The following GLDC variants were observed in gnomAD, a reference collection of about 807,000 sequenced individuals.
GLDC encodes the protein glycine decarboxylase.
In GLDC, 104 loss-of-function variants were observed where a neutral mutation model predicts 121.3. That is an observed-to-expected ratio of 0.86 (90% CI 0.73 to 1.01). GLDC has a LOEUF of 1.01. Among genes scored for constraint, GLDC ranks in the 50% least tolerant of loss-of-function variants. The pLI, the probability that GLDC is intolerant of heterozygous loss-of-function variation, is 0.00. For synonymous variants in GLDC, 546 were observed against 480.6 expected (o/e 1.14, Z -1.78); for missense variants, 1,429 against 1,306.6 (o/e 1.09, Z -1.44).
intron 1 of GLDC, 71 bp downstream of exon 1, chr9:6,645,174 C>A: frequency 4.2e-6 from 6 of 1,433,038 alleles, no homozygotes; most frequent in Non-Finnish European, 5.6e-6. Flanking sequence ...GGGTAGGAGC[C>A]GGGAGGCCGC....
In GLDC at chr9:6,550,874, G is replaced by A. The variant is rs1275684568; in HGVS notation, c.2498C>T (p.Ala833Val). 5 of 1,613,196 alleles carry A rather than the reference G, an allele frequency of 3.1e-6. No homozygotes were observed. Among genetic ancestry groups the A allele is most frequent in the Middle Eastern group, 1.6e-4 (1 of 6,082 alleles). ...GGCCATGTAGTTGGCATTTAATATC[G>A]CAGTTTCCGTGGCTTGTTTAAGACC... ...GKGLKQATET[A>V]ILNANYMAKR... The change falls in exon 21 of 25, where the codon GCG becomes GTG. Residue 833 changes from alanine to valine, a missense_variant. By Grantham distance (64) the Ala-to-Val change is moderately conservative (BLOSUM62 0). Coordinates refer to ENST00000321612, the MANE Select transcript of GLDC (RefSeq NM_000170.3).
chr9:6,629,075 G>T (rs1302422068), intron 2 of GLDC, among the ~76,000 whole-genome samples: 1 of 151,662 alleles, frequency 6.6e-6, no homozygotes, highest in Non-Finnish European at 1.5e-5. Flanking sequence ...TAGAATGAAT[G>T]CTTCCTCTTT....
chr9:6,584,525 A>C (rs1818229411), intron 15 of GLDC, among the ~76,000 whole-genome samples: 1 of 152,104 alleles, frequency 6.6e-6, no homozygotes. Flanking sequence ...CAAATAAGCC[A>C]AAATAGGATT....
Position 6,631,116 on chromosome 9 carries a change from A to T in GLDC, c.335-10797T>A, listed in dbSNP as rs73639337. Among the ~76,000 whole-genome samples, 201 of 152,344 alleles carry T rather than the reference A, an allele frequency of 1.3e-3. 1 individual carries two copies. The highest frequency in any genetic ancestry group is 4.5e-3 in the African/African-American group (187 of 41,586). ...GTAAGGATATGGTCAGGGCAGCGGC[A>T]CGCAGGCCCAACCTGGGGCTCTGAG... On this transcript the variant is annotated intron_variant, in intron 2 of 24. Coordinates refer to ENST00000321612, the MANE Select transcript of GLDC (RefSeq NM_000170.3).
At chr9:6,606,327 A>AAG (rs1818732589) in intron 5 of GLDC, among the ~76,000 whole-genome samples, 2 of 84,602 alleles carry the variant, frequency 2.4e-5, no homozygotes, top group African/African-American at 8.4e-5. Flanking sequence ...AAAAAAAAAA[A>AAG]AAGAAGAAGA....
At chr9:6,552,663 A>G (rs929391602) in intron 20 of GLDC, among the ~76,000 whole-genome samples, 7 of 152,198 alleles carry the variant, frequency 4.6e-5, no homozygotes, top group Non-Finnish European at 8.8e-5. Context: ...AAAGAGGGGC[A>G]CTGCTTTGGG....
Position 6,592,854 on chromosome 9 carries a change from G to A in GLDC, c.1398C>T (p.Gly466=), listed in dbSNP as rs746977015. ...RQINFRLFED[G]TLGISLDETV... is the part of the protein sequence containing the mutation. ...AAATACTGAAAATTTGACTTACTGT[G>A]CCATCCTCAAAAAGCCGAAAATTGA... Residue 466 remains glycine (G), a synonymous_variant, in exon 10 of 25, where the codon GGC becomes GGT. Transcript: ENST00000321612. 1.6e-5 allele frequency: 25 copies of A among 1,612,712 alleles called. No individual in the cohort carries two copies. The highest frequency in any genetic ancestry group is 2.1e-5 in the Non-Finnish European group (25 of 1,179,666).
chr9:6,578,999 G>T (rs1485640398), intron 15 of GLDC, among the ~76,000 whole-genome samples: 1 of 152,010 alleles, frequency 6.6e-6, no homozygotes, highest in Non-Finnish European at 1.5e-5. Flanking sequence ...ATGCCCTTAT[G>T]TTCCTAAATG....
chr9:6,537,784 A>T (rs74793597), intron 22 of GLDC, among the ~76,000 whole-genome samples: 2 of 149,004 alleles, frequency 1.3e-5, no homozygotes, highest in South Asian at 2.1e-4. Flanking sequence ...TGTCTCTATT[A>T]AAAAAAAAAC....
intron 16 of GLDC, among the ~76,000 whole-genome samples, chr9:6,561,346 TCA>T (rs1312233635): frequency 1.3e-5 from 2 of 152,252 alleles, no homozygotes; most frequent in African/African-American, 4.8e-5. Flanking sequence ...AAGTTTTTCC[TCA>T]GTTTAAAATT....
intron 15 of GLDC, among the ~76,000 whole-genome samples, chr9:6,569,522 G>T (rs1397421387): frequency 2.6e-5 from 4 of 151,428 alleles, no homozygotes; most frequent in African/African-American, 9.7e-5. Context: ...TGTGGTGGTG[G>T]GCACCTTTAG....
At chr9:6,578,592 T>C (rs933937393) in intron 15 of GLDC, among the ~76,000 whole-genome samples, 2 of 151,412 alleles carry the variant, frequency 1.3e-5, no homozygotes, top group Non-Finnish European at 2.9e-5. Context: ...TAGGCTGGAG[T>C]GCAGTGGCGT....
At position 6,558,677 on chromosome 9, in the gene GLDC, A is replaced by C. The variant is rs1817685368; in HGVS notation, c.1934T>G (p.Leu645Arg). The C allele has an allele frequency of 6.2e-7, 1 of 1,614,202 alleles. No individual in the cohort carries two copies. The highest frequency in any genetic ancestry group is 8.5e-7 in the Non-Finnish European group (1 of 1,180,016). ...GGTCCCATGTGCTGATTTCGGAATG[A>C]GGCAAACCTACAGAATAGAAAGGAA... is the stretch of plus-strand genomic sequence containing the variant. ...QKGEGHRTVC[L>R]IPKSAHGTNP... Residue 645 changes from leucine to arginine, a missense_variant, in exon 17 of 25, where the codon CTC (leucine) becomes CGC (arginine). Transcript: ENST00000321612.
Position 6,645,446 on chromosome 9 carries a change from G to GC in GLDC, c.53dup (p.Gly19ArgfsTer70). ...CCGATCCCCCAGCCAGGCGGCGGCC[G>GC]CCCCCGACCCCGCGGCCCAGGCGCA... On this transcript the variant is annotated frameshift_variant, in exon 1 of 25. Coordinates refer to ENST00000321612, the MANE Select transcript of GLDC (RefSeq NM_000170.3). LOFTEE classifies it high-confidence loss of function. 1 of 1,262,126 alleles carries GC rather than the reference G, an allele frequency of 7.9e-7. No homozygotes were observed. The allele number at this position is 1,262,126 out of a possible 1,614,324, so 78.2% of individuals were successfully genotyped here.
At position 6,565,211 on chromosome 9, in the gene GLDC, A is replaced by C. The variant is rs879133949; in HGVS notation, c.1926+143T>G. 20 of 757,468 alleles carry C rather than the reference A, an allele frequency of 2.6e-5. No homozygotes were observed. The South Asian group carries it at 2.8e-4, about 11-fold the overall frequency. 46.9% of individuals were successfully genotyped at this position (757,468 alleles called of 1,614,324 possible). The stretch of plus-strand genomic sequence containing the variant: ...CTTGGAAGCAAGGATCATAATGGCT[A>C]GTTCACAGAAATTTGTTTCTTGACT... On this transcript the variant is annotated intron_variant, in intron 16 of 24. Transcript: ENST00000321612.
At chr9:6,573,137 T>C (rs756498237) in intron 15 of GLDC, among the ~76,000 whole-genome samples, 4 of 152,158 alleles carry the variant, frequency 2.6e-5, no homozygotes, top group East Asian at 1.9e-4. Flanking sequence ...GGGCCAGGCA[T>C]GGTGGCTCAC....
chr9:6,585,700 T>A (rs917201863), intron 15 of GLDC, among the ~76,000 whole-genome samples: 1 of 152,216 alleles, frequency 6.6e-6, no homozygotes, highest in Non-Finnish European at 1.5e-5. Context: ...CTGAGGCTGC[T>A]GGTAGAGAAC....
In GLDC at chr9:6,554,844, G is replaced by C. The variant is rs2274874; in HGVS notation, c.2203-63C>G. The C allele has an allele frequency of 0.17, 201,517 of 1,194,740 alleles. 19,539 individuals are homozygous for C. The highest frequency in any genetic ancestry group is 0.41 in the East Asian group (16,771 of 40,470). The allele number at this position is 1,194,740 out of a possible 1,614,324, so 74.0% of individuals were successfully genotyped here. A position where few individuals can be genotyped will look rare whatever the true frequency, so the allele number is the denominator to read the frequency against. On this transcript the variant is annotated intron_variant, in intron 18 of 24. Coordinates refer to ENST00000321612, the MANE Select transcript of GLDC (RefSeq NM_000170.3). ...GCTTGGAAGCACCCTCCAGTGTGAA[G>C]GCCATGGCTGGCCGGTGCTGCCTTC...
At chr9:6,547,142 G>T (rs545240471) in intron 21 of GLDC, among the ~76,000 whole-genome samples, 1 of 151,928 alleles carries the variant, frequency 6.6e-6, no homozygotes, top group East Asian at 1.9e-4. Context: ...CAACACACCC[G>T]GCTGCTACTA....
Sources: allele counts gnomAD v4.1 joint callset (sites outside exome capture counted in the v4.1 genomes callset), GRCh38; gene constraint gnomAD v4.1.1; transcripts MANE v1.5; gene names NCBI Gene and HGNC (gene_info 2026-07-23, HGNC 2026-07-21).